SMYD3: variants seen among roughly 807,000 people sequenced by gnomAD.
The protein encoded by SMYD3 is histone-lysine N-methyltransferase SMYD3.
Under a neutral mutation model 57.7 loss-of-function variants are expected in SMYD3, and 36 were observed. That is an observed-to-expected ratio of 0.62 (90% CI 0.48 to 0.82). The LOEUF (loss-of-function observed/expected upper bound fraction) is 0.82, where lower values mean the gene tolerates loss of function less well. SMYD3 is among the 40% of genes least tolerant of loss of function. The pLI, the probability that SMYD3 is intolerant of heterozygous loss-of-function variation, is 0.00. For missense variants in SMYD3, 515 were observed against 538.8 expected, an observed-to-expected ratio of 0.96 and a Z score of 0.44; for synonymous variants, 211 against 195.0, an observed-to-expected ratio of 1.08 and a Z score of -0.68.
intron 8 of SMYD3, among the ~76,000 whole-genome samples, chr1:245,871,988 A>G (rs2052219849): frequency 6.6e-6 from 1 of 152,190 alleles, no homozygotes; most frequent in Non-Finnish European, 1.5e-5. Flanking sequence ...TTTGCCGGGA[A>G]GGCTCTTCCT....
chr1:246,488,420 T>C (rs1189593381), intron 1 of SMYD3, among the ~76,000 whole-genome samples: 1 of 152,224 alleles, frequency 6.6e-6, no homozygotes, highest in African/African-American at 2.4e-5. Flanking sequence ...CTGGGCGTGG[T>C]GGCTCATGCC....
chr1:246,353,015 G>A (rs371017636), intron 2 of SMYD3, among the ~76,000 whole-genome samples: 3 of 152,104 alleles, frequency 2.0e-5, no homozygotes, highest in Admixed American at 6.5e-5. Context: ...TGAGCTTCAC[G>A]TGAATAAAAC....
intron 8 of SMYD3, among the ~76,000 whole-genome samples, chr1:245,894,452 T>G (rs1451456835): frequency 3.3e-5 from 5 of 152,062 alleles, no homozygotes; most frequent in Non-Finnish European, 7.4e-5. Context: ...CTTTTGTTTT[T>G]TCACTCTTCA....
chr1:246,411,298 T>C (rs891145569), intron 1 of SMYD3, among the ~76,000 whole-genome samples: 7 of 152,152 alleles, frequency 4.6e-5, no homozygotes, highest in Admixed American at 3.9e-4. Flanking sequence ...CCAGTTAGAA[T>C]GGCAATCATT....
intron 5 of SMYD3, among the ~76,000 whole-genome samples, chr1:246,287,532 A>G (rs924192069): frequency 6.6e-6 from 1 of 152,206 alleles, no homozygotes; most frequent in Non-Finnish European, 1.5e-5. Context: ...TTCACTTGCT[A>G]GGTGACCTTG....
intron 5 of SMYD3, among the ~76,000 whole-genome samples, chr1:246,079,500 T>C (rs2060602283): frequency 6.6e-6 from 1 of 152,234 alleles, no homozygotes; most frequent in African/African-American, 2.4e-5. Context: ...CACTGTATTT[T>C]TTATTTTTCT....
chr1:246,392,259 A>T (rs1435994256), intron 1 of SMYD3, among the ~76,000 whole-genome samples: 1 of 152,154 alleles, frequency 6.6e-6, no homozygotes, highest in Non-Finnish European at 1.5e-5. Flanking sequence ...GGAGTTGAAG[A>T]TTTTTTTCAC....
At chr1:246,207,620 A>G (rs1295709768) in intron 5 of SMYD3, among the ~76,000 whole-genome samples, 1 of 152,206 alleles carries the variant, frequency 6.6e-6, no homozygotes, top group Non-Finnish European at 1.5e-5. Context: ...ACAAAAGGAC[A>G]TACAAAGAAA....
chr1:245,770,059 G>A (rs2046274126), intron 10 of SMYD3, among the ~76,000 whole-genome samples: 1 of 152,228 alleles, frequency 6.6e-6, no homozygotes, highest in South Asian at 2.1e-4. Flanking sequence ...CAGCAATGGT[G>A]GAGTAGCTTA....
At chr1:246,491,303 C>T (rs1335462801) in intron 1 of SMYD3, among the ~76,000 whole-genome samples, 1 of 152,030 alleles carries the variant, frequency 6.6e-6, no homozygotes, top group Admixed American at 6.6e-5. Context: ...TCTGGGAGGC[C>T]GAGGCAGGCA....
intron 1 of SMYD3, among the ~76,000 whole-genome samples, chr1:246,495,043 G>C (rs1026476372): frequency 6.6e-6 from 1 of 152,144 alleles, no homozygotes; most frequent in African/African-American, 2.4e-5. Flanking sequence ...TAATAATCTG[G>C]GGAGTATTAA....
intron 5 of SMYD3, among the ~76,000 whole-genome samples, chr1:246,009,578 A>G (rs1406039146): frequency 1.5e-5 from 2 of 129,090 alleles, no homozygotes; most frequent in Non-Finnish European, 3.2e-5. Flanking sequence ...TTGTGTATAT[A>G]TCATATAGTG....
intron 8 of SMYD3, among the ~76,000 whole-genome samples, chr1:245,909,060 C>T (rs558072055): frequency 2.5e-4 from 38 of 152,038 alleles, no homozygotes; most frequent in South Asian, 1.2e-3. Context: ...AATTAATAAA[C>T]GACTTGCTAG....
chr1:246,480,550 C>G (rs1013145219), intron 1 of SMYD3, among the ~76,000 whole-genome samples: 1 of 152,142 alleles, frequency 6.6e-6, no homozygotes, highest in African/African-American at 2.4e-5. Context: ...TCAGACACAT[C>G]TAGTTCCTAT....
chr1:245,927,624 A>C (rs7529278), intron 7 of SMYD3, among the ~76,000 whole-genome samples: 150,489 of 152,286 alleles, frequency 0.99, 74,383 homozygotes, highest in Middle Eastern at 1. Context: ...GATTTCATGA[A>C]TTCCCTGTGT....
At chr1:246,116,241 CACACACAT>C (rs753727307) in intron 5 of SMYD3, among the ~76,000 whole-genome samples, 1 of 126,352 alleles carries the variant, frequency 7.9e-6, no homozygotes, top group Non-Finnish European at 1.7e-5. Flanking sequence ...CACACACACA[CACACACAT>C]TCTGCTAAAT....
chr1:246,257,745 G>A (rs1233905664), intron 5 of SMYD3, among the ~76,000 whole-genome samples: 1 of 152,174 alleles, frequency 6.6e-6, no homozygotes, highest in East Asian at 1.9e-4. Context: ...TGCTTTTGTG[G>A]CAGCAGCTGT....
chr1:245,938,943 C>G (rs1342650922), intron 5 of SMYD3, among the ~76,000 whole-genome samples: 1 of 152,026 alleles, frequency 6.6e-6, no homozygotes, highest in Non-Finnish European at 1.5e-5. Context: ...AAGAGGAGTT[C>G]AAGACCACCC....
chr1:245,750,284 G>A (rs1202316868), intron 11 of SMYD3, among the ~76,000 whole-genome samples: 1 of 152,112 alleles, frequency 6.6e-6, no homozygotes, highest in Admixed American at 6.5e-5. Context: ...AGGTCAAAAA[G>A]GCCTCTGTGT....
Sources: gnomAD v4.1 joint callset for allele counts (sites outside exome capture counted in the v4.1 genomes callset) on GRCh38, gnomAD v4.1.1 for gene constraint, MANE v1.5 for transcripts, NCBI Gene and HGNC (gene_info 2026-07-23, HGNC 2026-07-21) for gene names.